The following SLC1A2 variants were observed in gnomAD, a reference collection of about 807,000 sequenced individuals.
SLC1A2 encodes excitatory amino acid transporter 2.
SLC1A2 carries 15 observed loss-of-function variants against 48.8 expected under a neutral mutation model. The observed-to-expected ratio is 0.31, with a 90% confidence interval of 0.21 to 0.47. SLC1A2 has a LOEUF of 0.47. Ranked by LOEUF, SLC1A2 falls within the 20% of genes least tolerant of loss-of-function variation. The probability of loss-of-function intolerance (pLI) is 0.99; values close to 1 mark genes in which losing one functional copy is unlikely to be tolerated. For missense variants in SLC1A2, 502 were observed against 730.5 expected, an observed-to-expected ratio of 0.69 and a Z score of 3.61; for synonymous variants, 279 against 272.6, an observed-to-expected ratio of 1.02 and a Z score of -0.23.
intron 6 of SLC1A2, 83 bp from the exon 7 acceptor site, chr11:35,292,603 G>A: frequency 1.3e-6 from 1 of 746,060 alleles, no homozygotes; most frequent in Admixed American, 2.8e-5. Flanking sequence ...CGCACACTGA[G>A]GAAAACGCTT....
chr11:35,352,635 T>C (rs1246464335), intron 1 of SLC1A2, among the ~76,000 whole-genome samples: 1 of 152,176 alleles, frequency 6.6e-6, no homozygotes, highest in Non-Finnish European at 1.5e-5. Context: ...CTCCTGATAT[T>C]CTCACCCCTG....
At chr11:35,419,866 C>G (rs1264264366), upstream of SLC1A2, 1 of 447,344 alleles carries the variant, frequency 2.2e-6, no homozygotes, top group Admixed American at 2.5e-5. The surrounding 1 kb of genome is among the most constrained non-coding windows in gnomAD (Gnocchi z 5.4). Context: ...CCCTGGCGCT[C>G]CCTCCTCACT....
At chr11:35,360,795 A>C (rs1440282973) in intron 1 of SLC1A2, among the ~76,000 whole-genome samples, 1 of 152,188 alleles carries the variant, frequency 6.6e-6, no homozygotes, top group Non-Finnish European at 1.5e-5. Context: ...GGCTTCCATA[A>C]ACCATAACAC....
intron 1 of SLC1A2, among the ~76,000 whole-genome samples, chr11:35,334,389 T>C (rs542527900): frequency 1.3e-5 from 2 of 152,188 alleles, no homozygotes; most frequent in African/African-American, 2.4e-5. Context: ...AAAAAAGGAA[T>C]GAAAATTTAT....
intron 1 of SLC1A2, chr11:35,322,611 A>G (rs902711242): frequency 1.3e-6 from 2 of 1,535,072 alleles, no homozygotes; most frequent in Non-Finnish European, 1.7e-6. Flanking sequence ...CCCAGGCTTC[A>G]GGATCTGGAG....
chr11:35,408,579 C>T (rs910852487), intron 1 of SLC1A2, among the ~76,000 whole-genome samples: 2 of 152,158 alleles, frequency 1.3e-5, no homozygotes, highest in African/African-American at 4.8e-5. Flanking sequence ...AACTGTAAGT[C>T]CAATTAAACC....
intron 1 of SLC1A2, among the ~76,000 whole-genome samples, chr11:35,377,669 A>C (rs538267589): frequency 6.6e-6 from 1 of 152,336 alleles, no homozygotes; most frequent in Non-Finnish European, 1.5e-5. Context: ...CATCAAGTAG[A>C]TACCAAGAAA....
At chr11:35,344,276 G>A (rs1322631263) in intron 1 of SLC1A2, among the ~76,000 whole-genome samples, 1 of 152,158 alleles carries the variant, frequency 6.6e-6, no homozygotes, top group African/African-American at 2.4e-5. Flanking sequence ...ATGAAGCAAT[G>A]TACTGTTGAG....
intron 7 of SLC1A2, among the ~76,000 whole-genome samples, chr11:35,287,645 G>T (rs1396367999): frequency 4.6e-5 from 7 of 152,106 alleles, no homozygotes; most frequent in African/African-American, 1.7e-4. Context: ...AAATATGAAG[G>T]GACTTCACCC....
intron 3 of SLC1A2, 24 bp from the exon 4 acceptor site, chr11:35,312,472 G>T (rs775788950): frequency 3.7e-6 from 6 of 1,612,230 alleles, no homozygotes; most frequent in Non-Finnish European, 5.1e-6. Context: ...AAATGCAGAA[G>T]GATTAATTCT....
At chr11:35,391,120 A>C (rs1854757305) in intron 1 of SLC1A2, 1 of 152,174 alleles carries the variant, frequency 6.6e-6, no homozygotes. Flanking sequence ...CCACAGGTCA[A>C]ATCCAGCTTG....
chr11:35,391,806 A>G (rs949522567), intron 1 of SLC1A2, among the ~76,000 whole-genome samples: 5 of 152,240 alleles, frequency 3.3e-5, no homozygotes, highest in Non-Finnish European at 5.9e-5. Context: ...TCATTAAAAC[A>G]GCTTGCCTTT....
At chr11:35,305,394 T>C (rs1303311956) in intron 5 of SLC1A2, among the ~76,000 whole-genome samples, 1 of 152,198 alleles carries the variant, frequency 6.6e-6, no homozygotes, top group Non-Finnish European at 1.5e-5. Context: ...ATTTCCATTT[T>C]ACAAATGAGG....
intron 9 of SLC1A2, among the ~76,000 whole-genome samples, chr11:35,278,460 G>T (rs549835705): frequency 6.6e-6 from 1 of 151,652 alleles, no homozygotes; most frequent in Non-Finnish European, 1.5e-5. Flanking sequence ...TGCATTTTTG[G>T]TAGAGACGGG....
intron 1 of SLC1A2, among the ~76,000 whole-genome samples, chr11:35,340,676 G>A (rs974326864): frequency 6.6e-6 from 1 of 152,212 alleles, no homozygotes; most frequent in African/African-American, 2.4e-5. Flanking sequence ...CTACAAAGAA[G>A]CAATCAGTAT....
In SLC1A2 at chr11:35,304,118, G is replaced by T. The variant is rs187656233; in HGVS notation, c.730+1956C>A. The stretch of plus-strand genomic sequence containing the variant: ...ATTGAAATTGCTCACTGGAACGGGG[G>T]TGTTGCATCTGAACAAAACCCTCTT... On this transcript the variant is annotated intron_variant, in intron 5 of 10. Coordinates refer to ENST00000278379, the MANE Select transcript of SLC1A2 (RefSeq NM_004171.4). Among the ~76,000 whole-genome samples, 5 of 152,236 alleles carry T rather than the reference G, an allele frequency of 3.3e-5. No homozygotes were observed. In the East Asian group the frequency reaches 9.6e-4, roughly 29 times the overall value.
chr11:35,311,871 GGAGA>G (rs367980308), intron 4 of SLC1A2, among the ~76,000 whole-genome samples: 36 of 83,314 alleles, frequency 4.3e-4, no homozygotes, highest in African/African-American at 1.0e-3. Context: ...ATAGATATAA[GGAGA>G]GAGAGAGAGA....
At chr11:35,309,162 G>T (rs1011465678) in intron 4 of SLC1A2, among the ~76,000 whole-genome samples, 5 of 152,070 alleles carry the variant, frequency 3.3e-5, no homozygotes, top group Admixed American at 3.3e-4. Context: ...CTATCATCCT[G>T]CCTCTAGCCC....
rs117483520 is a variant in SLC1A2, at chr11:35,335,650, C to T, written c.18-18134G>A. ...TCATGAGTTACTACCAGGGTCTTCA[C>T]AACAATGCCAAGCAAAATCTGATCC... On this transcript the variant is annotated intron_variant, in intron 1 of 10. Coordinates refer to ENST00000278379, the MANE Select transcript of SLC1A2 (RefSeq NM_004171.4). 4.0e-3 allele frequency among the ~76,000 whole-genome samples: 605 copies of T among 152,256 alleles called. 23 individuals are homozygous for T. The highest frequency in any genetic ancestry group is 0.031 in the Admixed American group (477 of 15,288).
Sources: gnomAD v4.1 joint callset for allele counts (sites outside exome capture counted in the v4.1 genomes callset) on GRCh38, gnomAD v4.1.1 for gene constraint, Gnocchi (gnomAD v3.1) non-coding constraint, MANE v1.5 for transcripts, NCBI Gene and HGNC (gene_info 2026-07-23, HGNC 2026-07-21) for gene names.